RAI1: variants seen among roughly 807,000 people sequenced by gnomAD.
RAI1 encodes retinoic acid-induced protein 1.
RAI1 carries 9 observed loss-of-function variants against 123.8 expected under a neutral mutation model. The observed-to-expected ratio is 0.07, with a 90% CI of 0.04 to 0.13. The LOEUF (loss-of-function observed/expected upper bound fraction) is 0.13. Ranked by LOEUF, RAI1 falls within the 10% of genes least tolerant of loss-of-function variation. The pLI is 1.00. For missense variants in RAI1, 2,256 were observed against 2,545.8 expected (o/e 0.89, Z 2.45); for synonymous variants, 1,231 against 1,127.3 (o/e 1.09, Z -1.84).
chr17:17,810,055 G>C lies in RAI1; in HGVS notation c.*74G>C. 1 of 1,535,434 alleles carries C rather than the reference G, an allele frequency of 6.5e-7. No homozygotes were observed. Among genetic ancestry groups the C allele is most frequent in the Non-Finnish European group, 8.8e-7 (1 of 1,140,660 alleles). ...CGCCGCCGAAGGAGAGGAGCCGCCT[G>C]CGCAGCCCCCGGGCCTTTGAGCTGC... On this transcript the variant is annotated 3_prime_UTR_variant, in exon 6 of 6. Transcript: ENST00000353383. This position sits in a 1 kb window ranked among gnomAD's most constrained non-coding sequence, Gnocchi z 4.6.
chr17:17,810,134 G>C lies in RAI1; in HGVS notation c.*153G>C, dbSNP rs927904490. 4.5e-6 allele frequency: 5 copies of C among 1,099,142 alleles called. No homozygotes were observed. The highest frequency in any genetic ancestry group is 5.0e-6 in the Non-Finnish European group (4 of 797,328). 68.1% of individuals were successfully genotyped at this position (1,099,142 alleles called of 1,614,324 possible). A position where few individuals can be genotyped will look rare whatever the true frequency, so the allele number is the denominator to read the frequency against. On this transcript the variant is annotated 3_prime_UTR_variant, in exon 6 of 6. Transcript: ENST00000353383. The surrounding 1 kb of genome is among the most constrained non-coding windows in gnomAD (Gnocchi z 4.6). ...GATCCGGGTCCCGGATCGTGGATCCGGCCGCCTAGGGCTCAGACTTGCGGC... is the reference window on the plus strand; with the variant it reads ...GATCCGGGTCCCGGATCGTGGATCCCGCCGCCTAGGGCTCAGACTTGCGGC...
At chr17:17,727,102 A>T (rs1007126576) in intron 2 of RAI1, among the ~76,000 whole-genome samples, 1 of 152,256 alleles carries the variant, frequency 6.6e-6, no homozygotes, top group South Asian at 2.1e-4. Flanking sequence ...TCAAAATGCC[A>T]CTGCTGATGC....
At chr17:17,768,427 G>A (rs2031020666) in intron 2 of RAI1, among the ~76,000 whole-genome samples, 1 of 152,180 alleles carries the variant, frequency 6.6e-6, no homozygotes, top group Admixed American at 6.5e-5. Flanking sequence ...AGACTGGCAG[G>A]GCACCCCACA....
chr17:17,775,673 C>T (rs963426982), intron 2 of RAI1, among the ~76,000 whole-genome samples: 1 of 151,970 alleles, frequency 6.6e-6, no homozygotes, highest in Non-Finnish European at 1.5e-5. Context: ...AGCGGATCAT[C>T]GTGAAGGTCT....
rs2032412779 is a variant in RAI1, at chr17:17,800,217, T to TCTCTCTCTCTCG, written c.5565+1715_5565+1716insGCTCTCTCTCTC. On this transcript the variant is annotated intron_variant, in intron 3 of 5. Transcript: ENST00000353383. The surrounding 1 kb of genome is among the most constrained non-coding windows in gnomAD (Gnocchi z 4.7). ...CTCTCTCTCTCTCTCTCTCTCTCTCTCTCTCTCTCTCATTACTGGCTCCTT... is the reference window on the plus strand; with the variant it reads ...CTCTCTCTCTCTCTCTCTCTCTCTCTCTCTCTCTCTCGCTCTCTCTCTCATTACTGGCTCCTT... 6.9e-6 allele frequency among the ~76,000 whole-genome samples: 1 copy of TCTCTCTCTCTCG among 144,218 alleles called. No homozygotes were observed. The highest frequency in any genetic ancestry group is 2.6e-5 in the African/African-American group (1 of 37,962). 94.6% of individuals were successfully genotyped at this position (144,218 alleles called of 152,430 possible).
At chr17:17,788,846 T>A (rs2143000575) in intron 2 of RAI1, among the ~76,000 whole-genome samples, 1 of 152,246 alleles carries the variant, frequency 6.6e-6, no homozygotes, top group Non-Finnish European at 1.5e-5. Flanking sequence ...TGGCCTACAC[T>A]GTGCCCATTT....
At chr17:17,766,556 T>G (rs543817697) in intron 2 of RAI1, among the ~76,000 whole-genome samples, 1 of 152,222 alleles carries the variant, frequency 6.6e-6, no homozygotes, top group African/African-American at 2.4e-5. Context: ...ACTCTGGGCG[T>G]CAGCACTGGG....
Position 17,794,996 on chromosome 17 carries a change from G to T in RAI1, c.2048G>T (p.Ser683Ile). Residue 683 changes from serine to isoleucine, a missense_variant, in exon 3 of 6, where the codon AGC becomes ATC. Transcript: ENST00000353383. ...AAGGGCGGCAATGCCAAGGACTTCA[G>T]CCCAGGGCTGTTTGAAGACCCTTCC... ...LDKGGNAKDF[S>I]PGLFEDPSVA... The T allele has an allele frequency of 1.2e-6, 2 of 1,614,068 alleles. No individual in the cohort carries two copies. Among genetic ancestry groups the T allele is most frequent in the Non-Finnish European group, 1.7e-6 (2 of 1,180,048 alleles).
intron 3 of RAI1, among the ~76,000 whole-genome samples, chr17:17,802,979 G>A (rs1469135380): frequency 2.6e-5 from 4 of 151,912 alleles, no homozygotes; most frequent in Admixed American, 2.6e-4. Context: ...AGCTACTCGG[G>A]AGGCTAAGGC....
chr17:17,783,750 C>T (rs1023454136), intron 2 of RAI1, among the ~76,000 whole-genome samples: 2 of 151,826 alleles, frequency 1.3e-5, no homozygotes, highest in Non-Finnish European at 2.9e-5. Flanking sequence ...GACCCCCCTC[C>T]ACCTCGATGG....
At chr17:17,754,191 CTTTTTTTTTTTTTTTTTTT>C (rs1158475382) in intron 2 of RAI1, among the ~76,000 whole-genome samples, 1 of 75,720 alleles carries the variant, frequency 1.3e-5, no homozygotes, top group Admixed American at 1.4e-4. Context: ...CTAACCCAAT[CTTTTTTTTTTTTTTTTTTT>C]TTTTTTTTTT....
At chr17:17,751,847 G>A (rs1017062874) in intron 2 of RAI1, among the ~76,000 whole-genome samples, 2 of 152,178 alleles carry the variant, frequency 1.3e-5, no homozygotes, top group African/African-American at 2.4e-5. Context: ...AGAGCACTCA[G>A]TCGCGGTGTA....
Position 17,794,203 on chromosome 17 carries a change from A to G in RAI1, c.1255A>G (p.Lys419Glu). 1 of 1,613,542 alleles carries G rather than the reference A, an allele frequency of 6.2e-7. No homozygotes were observed. Among genetic ancestry groups the G allele is most frequent in the South Asian group, 1.1e-5 (1 of 91,082 alleles). ...TQAGNCKPLQ[K>E]DKLPENLLSD... ...GGCTGGCAACTGCAAGCCCCTTCAG[A>G]AGGACAAGCTCCCTGAGAACCTGCT... Residue 419 changes from lysine (K) to glutamate (E), a missense_variant, in exon 3 of 6, where the codon AAG becomes GAG. Coordinates refer to ENST00000353383, the MANE Select transcript of RAI1 (RefSeq NM_030665.4).
At chr17:17,741,111 ACT>A (rs1015240370) in intron 2 of RAI1, among the ~76,000 whole-genome samples, 59 of 151,212 alleles carry the variant, frequency 3.9e-4, no homozygotes, top group Non-Finnish European at 7.5e-4. Context: ...ACACACACAC[ACT>A]CGCGCACGCA....
chr17:17,729,260 A>G (rs770924480), intron 2 of RAI1, among the ~76,000 whole-genome samples: 25 of 152,202 alleles, frequency 1.6e-4, no homozygotes, highest in Non-Finnish European at 3.1e-4. Flanking sequence ...TTGCCTGGTT[A>G]TCTGTCTGCT....
Position 17,795,708 on chromosome 17 carries a change from C to G in RAI1, c.2760C>G (p.Leu920=). The G allele has an allele frequency of 6.2e-7, 1 of 1,613,386 alleles. No homozygotes were observed. The highest frequency in any genetic ancestry group is 1.1e-5 in the South Asian group (1 of 91,090). ...SKAGWGSPCH[L]SGESVILLGP... is the part of the protein sequence containing the mutation. Reference sequence around the variant, plus strand: ...CCGGCTGGGGCTCTCCGTGCCACCTCTCAGGGGAGTCCGTCATCCTGCTGG... The same window carrying G: ...CCGGCTGGGGCTCTCCGTGCCACCTGTCAGGGGAGTCCGTCATCCTGCTGG... The change falls in exon 3 of 6, where the codon CTC becomes CTG. Residue 920 remains leucine, a synonymous_variant. Coordinates refer to ENST00000353383, the MANE Select transcript of RAI1 (RefSeq NM_030665.4). The surrounding 1 kb of genome is among the most constrained non-coding windows in gnomAD (Gnocchi z 5.9).
At chr17:17,699,997 C>G (rs571842398) in intron 1 of RAI1, among the ~76,000 whole-genome samples, 1 of 152,230 alleles carries the variant, frequency 6.6e-6, no homozygotes, top group Non-Finnish European at 1.5e-5. Flanking sequence ...ATCACAAGAG[C>G]AAGTATCCAC....
intron 1 of RAI1, among the ~76,000 whole-genome samples, chr17:17,702,074 G>T (rs1485971366): frequency 2.0e-5 from 3 of 152,262 alleles, no homozygotes; most frequent in African/African-American, 7.2e-5. Flanking sequence ...CTGGAAGGAA[G>T]GATAAGTGTG....
At chr17:17,782,648 T>G (rs1159434271) in intron 2 of RAI1, among the ~76,000 whole-genome samples, 2 of 101,550 alleles carry the variant, frequency 2.0e-5, no homozygotes, top group African/African-American at 7.6e-5. Flanking sequence ...GAGGACCCAG[T>G]GGGGACCGAA....
Sources: allele counts gnomAD v4.1 joint callset (sites outside exome capture counted in the v4.1 genomes callset), GRCh38; gene constraint gnomAD v4.1.1; non-coding constraint Gnocchi (gnomAD v3.1); transcripts MANE v1.5; gene names NCBI Gene and HGNC (gene_info 2026-07-23, HGNC 2026-07-21).